The following STK24 variants were observed in gnomAD, a reference collection of about 807,000 sequenced individuals.
STK24 encodes the protein serine/threonine kinase 24, also known as serine/threonine-protein kinase 24.
In STK24, 21 loss-of-function variants were observed where a neutral mutation model predicts 55.6. The observed-to-expected ratio is 0.38, with a 90% CI of 0.27 to 0.54. The LOEUF (loss-of-function observed/expected upper bound fraction) is 0.54, where lower values mean the gene tolerates loss of function less well. Ranked by LOEUF, STK24 falls within the 20% of genes least tolerant of loss-of-function variation. STK24 has a pLI of 0.79. For missense variants in STK24, 383 were observed against 538.4 expected (o/e 0.71, Z 2.86); for synonymous variants, 200 against 215.2 (o/e 0.93, Z 0.62).
intron 2 of STK24, among the ~76,000 whole-genome samples, chr13:98,492,072 T>TGC (rs1299210111): frequency 2.8e-4 from 18 of 63,442 alleles, no homozygotes; most frequent in African/African-American, 1.0e-3. Context: ...TTAAAGTGCG[T>TGC]GCGCGTGTGT....
In STK24 at chr13:98,450,041, G is replaced by GAT. The variant is rs1032957001; in HGVS notation, c.*3130_*3131dup. 6.0e-5 allele frequency: 5 copies of GAT among 83,610 alleles called. No individual in the cohort carries two copies. The highest frequency in any genetic ancestry group is 1.6e-4 in the African/African-American group (4 of 24,754). 5.2% of individuals were successfully genotyped at this position (83,610 alleles called of 1,614,324 possible). A position where few individuals can be genotyped will look rare whatever the true frequency, so the allele number is the denominator to read the frequency against. ...TCTCCTCAGCTATTTATTTCTGAAT[G>GAT]ATTGATTGATTCCAAACTACTTGCT... On this transcript the variant is annotated 3_prime_UTR_variant, in exon 11 of 11. Transcript: ENST00000539966.
chr13:98,487,074 A>C (rs1175855152), intron 2 of STK24, among the ~76,000 whole-genome samples: 3 of 152,298 alleles, frequency 2.0e-5, no homozygotes, highest in Admixed American at 6.5e-5. Flanking sequence ...GGGCCCAATT[A>C]ACAATTCTAA....
intron 1 of STK24, among the ~76,000 whole-genome samples, chr13:98,562,674 G>A (rs1897455911): frequency 6.6e-6 from 1 of 152,174 alleles, no homozygotes; most frequent in African/African-American, 2.4e-5. Context: ...CCAGCACTTT[G>A]GGAGGCCAAG....
At chr13:98,523,275 T>C (rs1158374003) in intron 1 of STK24, among the ~76,000 whole-genome samples, 6 of 151,934 alleles carry the variant, frequency 3.9e-5, no homozygotes. Context: ...ATACTAAGAG[T>C]GGCCTTTCCT....
At chr13:98,541,027 T>C (rs1896874659) in intron 1 of STK24, among the ~76,000 whole-genome samples, 1 of 152,176 alleles carries the variant, frequency 6.6e-6, no homozygotes, top group African/African-American at 2.4e-5. Context: ...AAGGGTTATC[T>C]ACCCCAGCAC....
chr13:98,482,339 GAA>G lies in STK24; in HGVS notation c.274-20_274-19del, dbSNP rs1263162561. 1 of 1,445,532 alleles carries G rather than the reference GAA, an allele frequency of 6.9e-7. No individual in the cohort carries two copies. The highest frequency in any genetic ancestry group is 2.2e-5 in the Admixed American group (1 of 45,600). The allele number at this position is 1,445,532 out of a possible 1,614,324, so 89.5% of individuals were successfully genotyped here. On this transcript the variant is annotated intron_variant, in intron 2 of 10. Coordinates refer to ENST00000539966, the MANE Select transcript of STK24 (RefSeq NM_001032296.4). ...TTTGTATCCTATAAAACAAAAAAAA[GAA>G]GAGAATCATTTTCAAAATGAATCCA...
At chr13:98,552,838 A>G (rs1261595537) in intron 1 of STK24, among the ~76,000 whole-genome samples, 2 of 152,124 alleles carry the variant, frequency 1.3e-5, no homozygotes, top group Non-Finnish European at 2.9e-5. Flanking sequence ...GGATACCCTC[A>G]CTGATTTCCA....
chr13:98,493,484 G>C (rs1194353100), intron 2 of STK24, among the ~76,000 whole-genome samples: 2 of 150,926 alleles, frequency 1.3e-5, no homozygotes, highest in Admixed American at 1.3e-4. Flanking sequence ...GGAGGCAAGA[G>C]AGAGATTTTT....
chr13:98,469,559 G>A (rs2139274532), intron 5 of STK24, among the ~76,000 whole-genome samples: 1 of 151,710 alleles, frequency 6.6e-6, no homozygotes, highest in East Asian at 1.9e-4. Flanking sequence ...AAAAAAGGCG[G>A]CGGGGGGAGG....
intron 2 of STK24, among the ~76,000 whole-genome samples, chr13:98,496,967 T>TC (rs1895273405): frequency 6.6e-6 from 1 of 152,052 alleles, no homozygotes; most frequent in African/African-American, 2.4e-5. Flanking sequence ...CATCCTACTC[T>TC]CCCCCTCCAA....
intron 2 of STK24, among the ~76,000 whole-genome samples, 190 bp from the exon 3 acceptor site, chr13:98,482,511 TC>T (rs1250964867): frequency 6.6e-6 from 1 of 152,198 alleles, no homozygotes; most frequent in Non-Finnish European, 1.5e-5. Flanking sequence ...CCCATCATGC[TC>T]TGGGAGGGAG....
chr13:98,480,172 G>A (rs747398993), intron 3 of STK24, among the ~76,000 whole-genome samples: 4 of 152,232 alleles, frequency 2.6e-5, no homozygotes, highest in Non-Finnish European at 4.4e-5. Context: ...GATTTTTTAA[G>A]TGGAGAGTTT....
chr13:98,461,874 C>G lies in STK24; in HGVS notation c.953G>C (p.Gly318Ala), dbSNP rs1213353621. ...SDAETDGQAS[G>A]GSDSGDWIFT... ...GATCCAGTCCCCAGAATCACTGCCCCCCGAGGCTTGGCCATCTGTTTCCCT... is the reference window on the plus strand; with the variant it reads ...GATCCAGTCCCCAGAATCACTGCCCGCCGAGGCTTGGCCATCTGTTTCCCT... The change falls in exon 8 of 11, where the codon GGG becomes GCG. Residue 318 changes from glycine to alanine, a missense_variant. Physicochemically the swap from Gly to Ala is moderately conservative, Grantham distance 60 (BLOSUM62 0). Transcript: ENST00000539966. The G allele has an allele frequency of 1.2e-6, 2 of 1,614,066 alleles. No individual in the cohort carries two copies. The highest frequency in any genetic ancestry group is 1.1e-5 in the South Asian group (1 of 91,078).
At chr13:98,568,362 C>T (rs1897643842) in intron 1 of STK24, among the ~76,000 whole-genome samples, 1 of 152,140 alleles carries the variant, frequency 6.6e-6, no homozygotes, top group South Asian at 2.1e-4. Context: ...GCACCAGTCC[C>T]TCTGCCGGGG....
Position 98,462,873 on chromosome 13 carries a change from G to A in STK24, c.929+818C>T, listed in dbSNP as rs542442385. 3.0e-4 allele frequency among the ~76,000 whole-genome samples: 45 copies of A among 152,162 alleles called. No individual in the cohort carries two copies. In the South Asian group the frequency reaches 7.9e-3, roughly 27 times the overall value. ...CTTCCCTCCTTCACCCAAATCCACC[G>A]CCGCGTCCTGGCTCTCCAAACCTCT... is the stretch of plus-strand genomic sequence containing the variant. On this transcript the variant is annotated intron_variant, in intron 7 of 10. Transcript: ENST00000539966.
At chr13:98,499,426 T>C (rs1351547801) in intron 2 of STK24, among the ~76,000 whole-genome samples, 1 of 152,144 alleles carries the variant, frequency 6.6e-6, no homozygotes, top group African/African-American at 2.4e-5. Context: ...CTTGGAGTGA[T>C]TGCGTATGGA....
At chr13:98,497,049 G>A (rs926669663) in intron 2 of STK24, among the ~76,000 whole-genome samples, 2 of 152,150 alleles carry the variant, frequency 1.3e-5, no homozygotes, top group Admixed American at 6.5e-5. Context: ...ACCCATTTCC[G>A]ATTCTGGCAG....
At chr13:98,562,881 A>G (rs144970162) in intron 1 of STK24, among the ~76,000 whole-genome samples, 2 of 147,346 alleles carry the variant, frequency 1.4e-5, no homozygotes, top group African/African-American at 5.1e-5. Flanking sequence ...ACACCACTAC[A>G]CTCCAGTCTG....
intron 1 of STK24, among the ~76,000 whole-genome samples, chr13:98,525,745 G>A (rs1302777385): frequency 6.6e-6 from 1 of 152,232 alleles, no homozygotes; most frequent in African/African-American, 2.4e-5. Context: ...TTGCTCCTCT[G>A]AGGAAAGGGT....
Sources: gnomAD v4.1 joint callset for allele counts (sites outside exome capture counted in the v4.1 genomes callset) on GRCh38, gnomAD v4.1.1 for gene constraint, MANE v1.5 for transcripts, NCBI Gene and HGNC (gene_info 2026-07-23, HGNC 2026-07-21) for gene names.